The following WDR70 variants were observed in gnomAD, a reference collection of about 807,000 sequenced individuals.
WDR70 encodes WD repeat-containing protein 70.
Under a neutral mutation model 88.6 loss-of-function variants are expected in WDR70, and 53 were observed. That is an observed-to-expected ratio of 0.60 (90% CI 0.48 to 0.75). The LOEUF is 0.75. WDR70 is among the 30% of genes least tolerant of loss of function. WDR70 has a pLI of 0.00. For missense variants in WDR70, 610 were observed against 823.2 expected (o/e 0.74, Z 3.17); for synonymous variants, 280 against 270.0 (o/e 1.04, Z -0.36).
rs180779958 is a variant in WDR70, at chr5:37,514,588, G to T, written c.841-1926G>T. ...GGGCCCCAGTTCGTGCTGTTCCCCC[G>T]ACAGTGTGTCCATGTGTTCTTATCG... On this transcript the variant is annotated intron_variant, in intron 8 of 17. Transcript: ENST00000265107. Among the ~76,000 whole-genome samples the T allele has an allele frequency of 1.7e-3, 261 of 151,432 alleles. 2 individuals carry two copies. Among genetic ancestry groups the T allele is most frequent in the African/African-American group, 6.1e-3 (251 of 41,354 alleles).
At chr5:37,745,303 T>C (rs1581544405) in intron 17 of WDR70, among the ~76,000 whole-genome samples, 1 of 150,382 alleles carries the variant, frequency 6.6e-6, no homozygotes, top group Admixed American at 6.7e-5. Flanking sequence ...GAAAAACCAA[T>C]ACCAGCCACT....
intron 17 of WDR70, among the ~76,000 whole-genome samples, chr5:37,728,355 A>C (rs1389807743): frequency 4.0e-4 from 22 of 55,588 alleles, no homozygotes; most frequent in Middle Eastern, 8.3e-3. Flanking sequence ...CTCCAAAAAA[A>C]AAAAAAAACA....
At chr5:37,736,988 AT>A (rs1748322942) in intron 17 of WDR70, among the ~76,000 whole-genome samples, 2 of 152,146 alleles carry the variant, frequency 1.3e-5, no homozygotes, top group Non-Finnish European at 2.9e-5. Context: ...GCTTAATAAA[AT>A]TATTTCCTTT....
rs574553192 is a variant in WDR70, at chr5:37,598,989, C to T, written c.918-6075C>T. The stretch of plus-strand genomic sequence containing the variant: ...AAGTTCTGAACTTTCTGGCATCTGC[C>T]GCATAAATGCATCACAGAGTTTGGC... On this transcript the variant is annotated intron_variant, in intron 9 of 17. Coordinates refer to ENST00000265107, the MANE Select transcript of WDR70 (RefSeq NM_018034.4). Among the ~76,000 whole-genome samples, 205 of 152,230 alleles carry T rather than the reference C, an allele frequency of 1.3e-3. 1 individual carries two copies. The highest frequency in any genetic ancestry group is 1.7e-3 in the African/African-American group (70 of 41,534).
chr5:37,640,332 C>A (rs933761178), intron 10 of WDR70, among the ~76,000 whole-genome samples: 5 of 152,144 alleles, frequency 3.3e-5, no homozygotes, highest in Non-Finnish European at 5.9e-5. Flanking sequence ...AGCAAACATT[C>A]CTGACGGTTG....
chr5:37,624,227 T>C (rs1229540858), intron 10 of WDR70, among the ~76,000 whole-genome samples: 1 of 152,190 alleles, frequency 6.6e-6, no homozygotes, highest in Non-Finnish European at 1.5e-5. Flanking sequence ...TCTCAGCCTC[T>C]AGTATTCTCT....
chr5:37,449,003 A>G (rs1348527130), intron 7 of WDR70, among the ~76,000 whole-genome samples: 2 of 152,186 alleles, frequency 1.3e-5, no homozygotes. Context: ...GGGTACTTCT[A>G]TCATGTTTTT....
At chr5:37,717,315 G>C (rs1432064549) in intron 13 of WDR70, among the ~76,000 whole-genome samples, 2 of 152,212 alleles carry the variant, frequency 1.3e-5, no homozygotes, top group Non-Finnish European at 2.9e-5. Context: ...TCAGAACCTA[G>C]TTCTTTGCAC....
intron 7 of WDR70, among the ~76,000 whole-genome samples, chr5:37,449,590 CAAAAAAAAA>C (rs376148041): frequency 0.48 from 41,581 of 85,740 alleles, 6,599 homozygotes; most frequent in East Asian, 0.66. Context: ...AATTTTGTCT[CAAAAAAAAA>C]AAAATAAAAA....
At chr5:37,423,808 C>T (rs563780492) in intron 5 of WDR70, among the ~76,000 whole-genome samples, 18 of 148,386 alleles carry the variant, frequency 1.2e-4, no homozygotes, top group Admixed American at 4.7e-4. Context: ...GTGGTCCGCC[C>T]GCCTCGGCCT....
intron 13 of WDR70, among the ~76,000 whole-genome samples, chr5:37,713,662 T>TA (rs58623225): frequency 0.06 from 9,145 of 152,098 alleles, 366 homozygotes; most frequent in Middle Eastern, 0.12. Context: ...ACTTCCTCTA[T>TA]AAAATATAAA....
At chr5:37,569,428 T>C (rs1010486635) in intron 9 of WDR70, among the ~76,000 whole-genome samples, 1 of 152,206 alleles carries the variant, frequency 6.6e-6, no homozygotes. Flanking sequence ...CAAGTGTTTG[T>C]TGAATTAAAT....
At chr5:37,740,353 A>G (rs1645352704) in intron 17 of WDR70, among the ~76,000 whole-genome samples, 3 of 152,238 alleles carry the variant, frequency 2.0e-5, no homozygotes, top group African/African-American at 7.2e-5. Flanking sequence ...TTCAAAGATA[A>G]AAATTGCCAA....
chr5:37,563,025 C>G (rs1235903916), intron 9 of WDR70, among the ~76,000 whole-genome samples: 3 of 122,290 alleles, frequency 2.5e-5, no homozygotes, highest in Non-Finnish European at 1.8e-5. Context: ...TAGGGGCGGC[C>G]GGGCAGAGGC....
chr5:37,734,791 T>A (rs952913597), intron 17 of WDR70, among the ~76,000 whole-genome samples: 3 of 152,148 alleles, frequency 2.0e-5, no homozygotes, highest in African/African-American at 7.2e-5. Context: ...CTTTACTGAA[T>A]TCCTTCATCT....
intron 5 of WDR70, 30 bp from the exon 6 acceptor site, chr5:37,437,892 C>T: frequency 1.3e-6 from 2 of 1,581,664 alleles, no homozygotes; most frequent in East Asian, 2.3e-5. Context: ...GTTATTTTAC[C>T]ATTAATGTCA....
chr5:37,541,890 G>A (rs889567866), intron 9 of WDR70, among the ~76,000 whole-genome samples: 1 of 152,206 alleles, frequency 6.6e-6, no homozygotes, highest in Admixed American at 6.5e-5. Context: ...AGGAAAGTTA[G>A]GCTGAACATG....
At chr5:37,621,655 A>AAATTTTCTCC (rs1425535308) in intron 10 of WDR70, among the ~76,000 whole-genome samples, 1 of 152,092 alleles carries the variant, frequency 6.6e-6, no homozygotes, top group Admixed American at 6.5e-5. Flanking sequence ...TAGATTGCAA[A>AAATTTTCTCC]AATTTTCTCC....
chr5:37,636,447 G>A (rs1420811765), intron 10 of WDR70, among the ~76,000 whole-genome samples: 1 of 152,158 alleles, frequency 6.6e-6, no homozygotes, highest in African/African-American at 2.4e-5. Context: ...AAGCTCTGAT[G>A]AGAAGCAGAA....
Sources: allele counts gnomAD v4.1 joint callset (sites outside exome capture counted in the v4.1 genomes callset), GRCh38; gene constraint gnomAD v4.1.1; transcripts MANE v1.5; gene names NCBI Gene and HGNC (gene_info 2026-07-23, HGNC 2026-07-21).